The following IL18RAP variants were observed in gnomAD, a reference collection of about 807,000 sequenced individuals.
IL18RAP encodes interleukin 18 receptor accessory protein, also known as interleukin-18 receptor accessory protein.
A neutral mutation model predicts 58.1 loss-of-function variants in IL18RAP; 37 were observed. The observed-to-expected ratio is 0.64, with a 90% CI of 0.49 to 0.84. The LOEUF is 0.84. Ranked by LOEUF, IL18RAP falls within the 40% of genes least tolerant of loss-of-function variation. IL18RAP has a pLI of 0.00. For synonymous variants in IL18RAP, 268 were observed against 257.5 expected, an observed-to-expected ratio of 1.04 and a Z score of -0.39; for missense variants, 667 against 704.8, an observed-to-expected ratio of 0.95 and a Z score of 0.61.
chr2:102,427,212 A>T (rs1051817639), intron 3 of IL18RAP, among the ~76,000 whole-genome samples: 4 of 152,154 alleles, frequency 2.6e-5, no homozygotes, highest in African/African-American at 9.7e-5. Context: ...TGCAGTAAGC[A>T]TAGGAGCGTA....
intron 9 of IL18RAP, 103 bp downstream of exon 9, chr2:102,451,124 G>A (rs1372436285): frequency 2.2e-6 from 2 of 905,940 alleles, no homozygotes; most frequent in East Asian, 5.2e-5. Flanking sequence ...AGATCTGGGA[G>A]ATTACATGAG....
At chr2:102,418,792 A>G (rs2104270355), upstream of IL18RAP, 1 of 152,428 alleles carries the variant, frequency 6.6e-6, no homozygotes, top group Non-Finnish European at 1.5e-5. Context: ...TTCTCCAGGT[A>G]TCTCTCTGGA....
chr2:102,437,156 A>G (rs1327969829), intron 3 of IL18RAP, 56 bp from the exon 4 acceptor site: 1 of 1,529,482 alleles, frequency 6.5e-7, no homozygotes, highest in Non-Finnish European at 8.9e-7. Flanking sequence ...TTAGGTATGT[A>G]TTTCATAAAG....
rs531360727 is a variant in IL18RAP at position 102,427,959 on chromosome 2, C to T, written c.579+3545C>T. On this transcript the variant is annotated intron_variant, in intron 3 of 9. Transcript: ENST00000687160. ...CATTTATTGGAGAGATAATCCTTTC[C>T]CCATTGTGTGTTCTTGGCATCTTTT... is the stretch of plus-strand genomic sequence containing the variant. 7.5e-4 allele frequency among the ~76,000 whole-genome samples: 112 copies of T among 150,242 alleles called. 2 individuals carry two copies. The highest frequency in any genetic ancestry group is 6.8e-3 in the South Asian group (32 of 4,738).
At chr2:102,431,033 A>G (rs1682313801) in intron 3 of IL18RAP, among the ~76,000 whole-genome samples, 1 of 152,128 alleles carries the variant, frequency 6.6e-6, no homozygotes, top group South Asian at 2.1e-4. Context: ...TGAATTTTTT[A>G]CTTTCATATT....
At chr2:102,426,252 G>A (rs3755266) in intron 3 of IL18RAP, among the ~76,000 whole-genome samples, 81,360 of 151,824 alleles carry the variant, frequency 0.54, 23,707 homozygotes, top group African/African-American at 0.74. Context: ...GGTGAAGCTG[G>A]CACTGGCTGA....
intron 1 of IL18RAP, 64 bp downstream of exon 1, chr2:102,423,411 A>T: frequency 7.7e-7 from 1 of 1,296,320 alleles, no homozygotes; most frequent in Non-Finnish European, 1.1e-6. Flanking sequence ...GTGATGGATA[A>T]CCTGATATAT....
chr2:102,424,667 C>T (rs1237607983), intron 3 of IL18RAP, among the ~76,000 whole-genome samples: 1 of 152,170 alleles, frequency 6.6e-6, no homozygotes, highest in Non-Finnish European at 1.5e-5. Flanking sequence ...AAGTATATTA[C>T]ACATGAGGTT....
intron 3 of IL18RAP, among the ~76,000 whole-genome samples, chr2:102,430,736 G>A (rs1273939772): frequency 6.6e-6 from 1 of 151,948 alleles, no homozygotes; most frequent in African/African-American, 2.4e-5. Context: ...TTTGTTTTGT[G>A]GTTACTATGA....
chr2:102,427,982 T>A (rs1197368902), intron 3 of IL18RAP, among the ~76,000 whole-genome samples: 1 of 35,626 alleles, frequency 2.8e-5, no homozygotes, highest in Admixed American at 2.0e-4. Flanking sequence ...CTTGGCATCT[T>A]TTTTTTTTTT....
In IL18RAP at chr2:102,436,256, C is replaced by T. The variant is rs140114749; in HGVS notation, c.580-956C>T. Among the ~76,000 whole-genome samples, 87 of 152,246 alleles carry T rather than the reference C, an allele frequency of 5.7e-4. 2 individuals are homozygous for T. In the East Asian group the frequency reaches 0.013, roughly 22 times the overall value. ...GTCCTCCCACCATTACGTTCTCATG[C>T]GATTTATGACACGCCTCTCCCCTGA... On this transcript the variant is annotated intron_variant, in intron 3 of 9. Transcript: ENST00000687160.
Position 102,437,289 on chromosome 2 carries a change from T to A in IL18RAP, c.657T>A (p.Tyr219Ter). The A allele has an allele frequency of 6.2e-7, 1 of 1,613,764 alleles. No individual in the cohort carries two copies. Among genetic ancestry groups the A allele is most frequent in the Non-Finnish European group, 8.5e-7 (1 of 1,179,762 alleles). The change falls in exon 4 of 10, where the codon TAT (tyrosine) becomes TAA (stop). Residue 219 changes from tyrosine to a stop codon, truncating the protein, a stop_gained. Coordinates refer to ENST00000687160, the MANE Select transcript of IL18RAP (RefSeq NM_001393487.1). LOFTEE classifies it high-confidence loss of function. ...TTTATGACTATCACCAGGGCACATA[T>A]GTATGTGATTACACTCAGTCGGATA... ...DEVYDYHQGT[Y>*]VCDYTQSDTV... is the part of the protein sequence containing the mutation.
chr2:102,443,204 G>A lies in IL18RAP; in HGVS notation c.801G>A (p.Lys267=), dbSNP rs199675556. 1.3e-4 allele frequency: 202 copies of A among 1,611,158 alleles called. No individual in the cohort carries two copies. In the East Asian group the frequency reaches 3.4e-3, roughly 27 times the overall value. Residue 267 remains lysine (K), a synonymous_variant, in exon 6 of 10, where the codon AAG becomes AAA. Transcript: ENST00000687160. The stretch of plus-strand genomic sequence containing the variant: ...CTCTGGCCTCTTCATTTTCAGGAAA[G>A]CCTTTAACTATTAGCTGCAAAGCAC... ...VEDTLEVELG[K]PLTISCKARF... is the part of the protein sequence containing the mutation.
intron 5 of IL18RAP, among the ~76,000 whole-genome samples, chr2:102,441,902 A>G (rs1683128710): frequency 6.7e-6 from 1 of 148,700 alleles, no homozygotes; most frequent in African/African-American, 2.5e-5. Flanking sequence ...AAAAAAAAAA[A>G]TTATACTGAG....
At position 102,449,545 on chromosome 2, in the gene IL18RAP, C is replaced by T. The variant is rs998733574; in HGVS notation, c.1211-1303C>T. Among the ~76,000 whole-genome samples the T allele has an allele frequency of 1.2e-4, 18 of 152,114 alleles. 1 individual carries two copies. The highest frequency in any genetic ancestry group is 2.1e-4 in the Non-Finnish European group (14 of 68,016). On this transcript the variant is annotated intron_variant, in intron 8 of 9. Transcript: ENST00000687160. Reference sequence around the variant, plus strand: ...TAGTGATCAGATCTGGAGGCAGAATCCAGTTTTCAAGCACGGGGATGCAGT... The same window carrying T: ...TAGTGATCAGATCTGGAGGCAGAATTCAGTTTTCAAGCACGGGGATGCAGT...
At chr2:102,449,460 G>A (rs1041695409) in intron 8 of IL18RAP, among the ~76,000 whole-genome samples, 1 of 152,194 alleles carries the variant, frequency 6.6e-6, no homozygotes, top group Non-Finnish European at 1.5e-5. Flanking sequence ...AGAAGAGTCA[G>A]TCAATGGGGA....
intron 3 of IL18RAP, 48 bp downstream of exon 3, chr2:102,424,462 T>C (rs754041640): frequency 6.6e-7 from 1 of 1,512,566 alleles, no homozygotes; most frequent in Non-Finnish European, 9.1e-7. Flanking sequence ...GTTTTTATGG[T>C]ATCTTCTTCA....
rs149932271 is a variant in IL18RAP at position 102,448,293 on chromosome 2, A to T, written c.1210+1086A>T. Reference sequence around the variant, plus strand: ...ATTAGCTGTTACCTCAGTTAGCCTCATCTGTAAAATGAGGCTTTTAAGACG... The same window carrying T: ...ATTAGCTGTTACCTCAGTTAGCCTCTTCTGTAAAATGAGGCTTTTAAGACG... On this transcript the variant is annotated intron_variant, in intron 8 of 9. Coordinates refer to ENST00000687160, the MANE Select transcript of IL18RAP (RefSeq NM_001393487.1). Among the ~76,000 whole-genome samples the T allele has an allele frequency of 3.4e-3, 521 of 152,342 alleles. 3 individuals are homozygous for T. The highest frequency in any genetic ancestry group is 0.013 in the Admixed American group (205 of 15,300).
upstream of IL18RAP, among the ~76,000 whole-genome samples, chr2:102,419,245 C>A (rs1681424122): frequency 6.6e-6 from 1 of 152,196 alleles, no homozygotes; most frequent in Admixed American, 6.5e-5. Flanking sequence ...TTAAACTTAA[C>A]TGTAACATCT....
Sources: allele counts gnomAD v4.1 joint callset (sites outside exome capture counted in the v4.1 genomes callset), GRCh38; gene constraint gnomAD v4.1.1; transcripts MANE v1.5; gene names NCBI Gene and HGNC (gene_info 2026-07-23, HGNC 2026-07-21).